The following VAV3 variants were observed in gnomAD, a reference collection of about 807,000 sequenced individuals.
VAV3 encodes the protein guanine nucleotide exchange factor VAV3.
Under a neutral mutation model 131.2 loss-of-function variants are expected in VAV3, and 94 were observed. The ratio of observed to expected loss-of-function variants is 0.72; its 90% CI spans 0.61 to 0.85. The LOEUF is 0.85. Ranked by LOEUF, VAV3 falls within the 40% of genes least tolerant of loss-of-function variation. The probability of loss-of-function intolerance (pLI) is 0.00; values close to 1 mark genes in which losing one functional copy is unlikely to be tolerated. For synonymous variants in VAV3, 349 were observed against 342.0 expected (o/e 1.02, Z -0.22); for missense variants, 939 against 1,002.7 (o/e 0.94, Z 0.86).
At chr1:107,921,987 C>T in intron 1 of VAV3, among the ~76,000 whole-genome samples, 1 of 152,208 alleles carries the variant, frequency 6.6e-6, no homozygotes, top group East Asian at 1.9e-4. Context: ...CAACCTGCCT[C>T]ACAAACATGA....
chr1:107,713,643 TAAAAG>T (rs748194528), intron 15 of VAV3, among the ~76,000 whole-genome samples: 9 of 152,044 alleles, frequency 5.9e-5, no homozygotes, highest in Non-Finnish European at 1.2e-4. Flanking sequence ...AAGGAAAAGA[TAAAAG>T]AAAAAAGATA....
chr1:107,820,114 C>A (rs1667732115), intron 2 of VAV3, among the ~76,000 whole-genome samples: 1 of 152,116 alleles, frequency 6.6e-6, no homozygotes, highest in Admixed American at 6.5e-5. Flanking sequence ...TAGGTATATA[C>A]CCCAAAGAAA....
chr1:107,813,915 T>C (rs1667438017), intron 2 of VAV3, among the ~76,000 whole-genome samples: 2 of 151,942 alleles, frequency 1.3e-5, no homozygotes, highest in South Asian at 4.1e-4. Context: ...GAACCAACCA[T>C]GTTGTTGTAA....
At chr1:107,751,269 G>A in intron 12 of VAV3, 67 bp from the exon 13 acceptor site, 1 of 1,280,188 alleles carries the variant, frequency 7.8e-7, no homozygotes, top group Non-Finnish European at 1.1e-6. Context: ...AATATTAGTA[G>A]AGATATTTAC....
intron 1 of VAV3, among the ~76,000 whole-genome samples, chr1:107,925,475 A>T (rs1366932101): frequency 6.6e-6 from 1 of 152,252 alleles, no homozygotes; most frequent in Non-Finnish European, 1.5e-5. Flanking sequence ...GTGTATACAT[A>T]CAATGGACTA....
intron 25 of VAV3, among the ~76,000 whole-genome samples, chr1:107,574,996 TGCGTGCGC>T (rs779273789): frequency 0.087 from 4,268 of 49,110 alleles, 96 homozygotes; most frequent in East Asian, 0.26. Flanking sequence ...TGTGTGTGCG[TGCGTGCGC>T]GCGCGCGCGC....
chr1:107,866,780 G>A (rs916861049), intron 2 of VAV3, among the ~76,000 whole-genome samples: 3 of 123,684 alleles, frequency 2.4e-5, no homozygotes, highest in Admixed American at 1.1e-4. Flanking sequence ...CCGAGATTGT[G>A]TCACTGTACT....
intron 1 of VAV3, among the ~76,000 whole-genome samples, chr1:107,911,914 A>G (rs1571131068): frequency 6.6e-6 from 1 of 152,178 alleles, no homozygotes. Context: ...TACTGCAAAC[A>G]GCGCTGATTT....
At chr1:107,606,924 G>A (rs1225562558) in intron 22 of VAV3, among the ~76,000 whole-genome samples, 2 of 145,408 alleles carry the variant, frequency 1.4e-5, no homozygotes, top group African/African-American at 5.1e-5. Context: ...GTGTGTGTGA[G>A]CACCAAAATA....
chr1:107,844,463 G>A (rs566624824), intron 2 of VAV3, among the ~76,000 whole-genome samples: 109 of 152,210 alleles, frequency 7.2e-4, no homozygotes, highest in African/African-American at 2.5e-3. Flanking sequence ...GAACACCAGC[G>A]AGACGGAAAC....
At chr1:107,817,930 C>T (rs1255658668) in intron 2 of VAV3, among the ~76,000 whole-genome samples, 1 of 152,186 alleles carries the variant, frequency 6.6e-6, no homozygotes, top group Non-Finnish European at 1.5e-5. Flanking sequence ...ATCTGGCAAC[C>T]AGAGACTTAG....
At chr1:107,717,654 C>T (rs1661194627) in intron 15 of VAV3, among the ~76,000 whole-genome samples, 1 of 152,108 alleles carries the variant, frequency 6.6e-6, no homozygotes, top group Non-Finnish European at 1.5e-5. Context: ...TGTTTTACTT[C>T]CAACAATGTG....
intron 1 of VAV3, among the ~76,000 whole-genome samples, chr1:107,950,990 A>G (rs1674505308): frequency 6.6e-6 from 1 of 152,176 alleles, no homozygotes; most frequent in Admixed American, 6.5e-5. Context: ...ATTCAAGAGA[A>G]TAGACCATCA....
chr1:107,722,783 A>G (rs958419864), intron 15 of VAV3, among the ~76,000 whole-genome samples: 2 of 151,492 alleles, frequency 1.3e-5, no homozygotes. Flanking sequence ...GAGTGATGAA[A>G]CAAACTAGAT....
intron 2 of VAV3, among the ~76,000 whole-genome samples, chr1:107,804,760 G>GT (rs1666984364): frequency 6.8e-6 from 1 of 147,070 alleles, no homozygotes; most frequent in East Asian, 2.2e-4. Flanking sequence ...AAATATTTTT[G>GT]GTTTTTTTTG....
intron 1 of VAV3, among the ~76,000 whole-genome samples, chr1:107,909,358 G>C (rs913194652): frequency 6.6e-6 from 1 of 151,950 alleles, no homozygotes; most frequent in Non-Finnish European, 1.5e-5. Context: ...TGTTATATGA[G>C]TATTTACTTC....
chr1:107,811,001 C>CT (rs1324985662), intron 2 of VAV3, among the ~76,000 whole-genome samples: 1 of 152,076 alleles, frequency 6.6e-6, no homozygotes, highest in Non-Finnish European at 1.5e-5. Context: ...TCAAAACGGT[C>CT]TTTACATTTT....
chr1:107,947,972 A>G (rs1251486108), intron 1 of VAV3, among the ~76,000 whole-genome samples: 2 of 152,180 alleles, frequency 1.3e-5, no homozygotes, highest in African/African-American at 4.8e-5. Context: ...ATACATGAAT[A>G]CTCATACCGT....
chr1:107,964,919 GGCC>G lies in VAV3; in HGVS notation c.-53_-51del, dbSNP rs71796067. 830,307 of 1,169,534 alleles carry G rather than the reference GGCC, an allele frequency of 0.71. 299,396 individuals carry two copies. Among genetic ancestry groups the G allele is most frequent in the East Asian group, 0.77 (21,843 of 28,506 alleles). 72.4% of individuals were successfully genotyped at this position (1,169,534 alleles called of 1,614,324 possible). A position where few individuals can be genotyped will look rare whatever the true frequency, so the allele number is the denominator to read the frequency against. ...GGGCCGGGGCGGGCGGCAAGGATGC[GGCC>G]GCCGCCGCCGCCGCCGCGGTTCCTC... is the stretch of plus-strand genomic sequence containing the variant. On this transcript the variant is annotated 5_prime_UTR_variant, in exon 1 of 27. Transcript: ENST00000370056.
Sources: allele counts gnomAD v4.1 joint callset (sites outside exome capture counted in the v4.1 genomes callset), GRCh38; gene constraint gnomAD v4.1.1; transcripts MANE v1.5; gene names NCBI Gene and HGNC (gene_info 2026-07-23, HGNC 2026-07-21).